CHD9: variants seen among roughly 807,000 people sequenced by gnomAD.
CHD9 encodes ATP-dependent chromatin remodeler CHD9.
CHD9 carries 77 observed loss-of-function variants against 316.1 expected under a neutral mutation model. The ratio of observed to expected loss-of-function variants is 0.24; its 90% confidence interval spans 0.20 to 0.29. The LOEUF (loss-of-function observed/expected upper bound fraction) is 0.29. Among genes scored for constraint, CHD9 ranks in the 10% least tolerant of loss-of-function variants. The pLI, the probability that CHD9 is intolerant of heterozygous loss-of-function variation, is 1.00. For synonymous variants in CHD9, 1,129 were observed against 1,158.3 expected, an observed-to-expected ratio of 0.97 and a Z score of 0.51; for missense variants, 2,763 against 3,438.1, an observed-to-expected ratio of 0.80 and a Z score of 4.91.
intron 1 of CHD9, among the ~76,000 whole-genome samples, chr16:53,123,151 C>T (rs1046802067): frequency 2.0e-5 from 3 of 149,998 alleles, no homozygotes; most frequent in African/African-American, 7.5e-5. Flanking sequence ...GTGTGAGCCA[C>T]CACGCCCGGC....
Position 53,247,474 on chromosome 16 carries a change from C to T in CHD9, c.3636C>T (p.Asp1212=). ...LIFSQMVRCL[D]ILEDYLIHKR... ...TCTCTCAAATGGTTCGTTGCCTTGA[C>T]ATTCTGGAGGACTATCTCATACATA... Residue 1212 remains aspartate (D), a synonymous_variant, in exon 16 of 39, where the codon GAC becomes GAT. Transcript: ENST00000447540. 4 of 1,604,214 alleles carry T rather than the reference C, an allele frequency of 2.5e-6. No homozygotes were observed. The highest frequency in any genetic ancestry group is 3.4e-6 in the Non-Finnish European group (4 of 1,174,640).
chr16:53,270,893 A>G (rs144668072), intron 22 of CHD9, among the ~76,000 whole-genome samples: 1,823 of 152,306 alleles, frequency 0.012, 20 homozygotes, highest in Non-Finnish European at 0.019. Context: ...GGTTTAAAAA[A>G]AGGCCCTAAA....
At chr16:53,111,377 C>T in intron 1 of CHD9, among the ~76,000 whole-genome samples, 1 of 152,044 alleles carries the variant, frequency 6.6e-6, no homozygotes, top group Non-Finnish European at 1.5e-5. Context: ...TCTCAGGGTT[C>T]TTCTGCCAAA....
chr16:53,219,504 G>A (rs1039562459), intron 3 of CHD9, among the ~76,000 whole-genome samples: 3 of 152,132 alleles, frequency 2.0e-5, no homozygotes, highest in Non-Finnish European at 2.9e-5. Context: ...TAACATTCAA[G>A]GCGTAGATGC....
chr16:53,060,360 C>G (rs559892818), intron 1 of CHD9, among the ~76,000 whole-genome samples: 58 of 150,566 alleles, frequency 3.9e-4, no homozygotes, highest in Non-Finnish European at 8.3e-4. Context: ...ATGCCTGTAG[C>G]CCCAGCACTT....
At position 53,326,038 on chromosome 16, in the gene CHD9, A is replaced by T. The variant is rs2057528878; in HGVS notation, c.*1143A>T. 6.6e-6 allele frequency: 1 copy of T among 152,498 alleles called. No homozygotes were observed. Among genetic ancestry groups the T allele is most frequent in the Non-Finnish European group, 1.5e-5 (1 of 67,940 alleles). 9.4% of individuals were successfully genotyped at this position (152,498 alleles called of 1,614,324 possible). On this transcript the variant is annotated 3_prime_UTR_variant, in exon 39 of 39. Coordinates refer to ENST00000447540, the MANE Select transcript of CHD9 (RefSeq NM_001308319.2). Reference sequence around the variant, plus strand: ...ACTGAGTTGCCCGTTTTGAAAATGCACTTTGAATAATCTCAAAAAGATGTA... The same window carrying T: ...ACTGAGTTGCCCGTTTTGAAAATGCTCTTTGAATAATCTCAAAAAGATGTA...
chr16:53,075,194 C>T (rs565087850), intron 1 of CHD9, among the ~76,000 whole-genome samples: 1 of 152,298 alleles, frequency 6.6e-6, no homozygotes, highest in South Asian at 2.1e-4. Flanking sequence ...TGGCCAATTT[C>T]TCCCATTTGG....
At chr16:53,257,796 A>G (rs1473678583) in intron 19 of CHD9, among the ~76,000 whole-genome samples, 1 of 152,188 alleles carries the variant, frequency 6.6e-6, no homozygotes, top group African/African-American at 2.4e-5. Flanking sequence ...GGAACATTGC[A>G]GAAGTAAAGT....
intron 1 of CHD9, among the ~76,000 whole-genome samples, chr16:53,088,349 C>A (rs772836975): frequency 6.8e-6 from 1 of 147,708 alleles, no homozygotes; most frequent in East Asian, 2.0e-4. Flanking sequence ...GCGATCTCAG[C>A]TCACTGCCAG....
intron 1 of CHD9, among the ~76,000 whole-genome samples, chr16:53,115,034 C>A (rs949879536): frequency 6.6e-6 from 1 of 152,164 alleles, no homozygotes; most frequent in Non-Finnish European, 1.5e-5. Flanking sequence ...AGTTTTCTTT[C>A]TCCCTTTAGT....
chr16:53,163,498 C>T (rs2042065458), intron 2 of CHD9, among the ~76,000 whole-genome samples: 1 of 152,252 alleles, frequency 6.6e-6, no homozygotes, highest in African/African-American at 2.4e-5. Flanking sequence ...GCGTGAGCCA[C>T]TGTGCCTGGC....
chr16:53,080,807 C>A (rs2034953470), intron 1 of CHD9, among the ~76,000 whole-genome samples: 1 of 152,210 alleles, frequency 6.6e-6, no homozygotes, highest in African/African-American at 2.4e-5. Context: ...CCTGGCTAGG[C>A]CTTCCACCCT....
chr16:53,094,558 C>A (rs182522313), intron 1 of CHD9, among the ~76,000 whole-genome samples: 11 of 152,282 alleles, frequency 7.2e-5, no homozygotes, highest in Admixed American at 5.2e-4. Flanking sequence ...CACACACACA[C>A]CCTGCTTTAT....
intron 29 of CHD9, among the ~76,000 whole-genome samples, chr16:53,295,043 C>CA (rs1270441392): frequency 6.6e-6 from 1 of 152,188 alleles, no homozygotes; most frequent in Non-Finnish European, 1.5e-5. Context: ...TATATTGTTT[C>CA]TATCACCTGG....
chr16:53,177,841 C>G (rs2043189929), intron 2 of CHD9, among the ~76,000 whole-genome samples: 1 of 152,196 alleles, frequency 6.6e-6, no homozygotes, highest in Non-Finnish European at 1.5e-5. Flanking sequence ...AGTTCTACAT[C>G]CAGAATCTGG....
intron 1 of CHD9, among the ~76,000 whole-genome samples, chr16:53,106,161 C>G (rs777022879): frequency 6.6e-6 from 1 of 152,130 alleles, no homozygotes; most frequent in Non-Finnish European, 1.5e-5. Flanking sequence ...GCTAAAGTGG[C>G]CTGTTTCTCA....
intron 1 of CHD9, among the ~76,000 whole-genome samples, chr16:53,136,885 A>C (rs137899638): frequency 3.3e-5 from 5 of 152,152 alleles, no homozygotes; most frequent in Non-Finnish European, 7.3e-5. Context: ...TAAAAACCAT[A>C]GATTAGGTCT....
rs1287045584 is a variant in CHD9 at position 53,304,193 on chromosome 16, T to A, written c.6187T>A (p.Ser2063Thr). 4.3e-6 allele frequency: 7 copies of A among 1,611,752 alleles called. No individual in the cohort carries two copies. In the East Asian group the frequency reaches 1.6e-4, roughly 36 times the overall value. Residue 2063 changes from serine (S) to threonine (T), a missense_variant, in exon 31 of 39, where the codon TCT becomes ACT. By Grantham distance (58) the Ser-to-Thr change is moderately conservative. Coordinates refer to ENST00000447540, the MANE Select transcript of CHD9 (RefSeq NM_001308319.2). ...KEEPQSSEEE[S>T]MSSVETRTLI... is the part of the protein sequence containing the mutation. ...GGAGCCTCAGTCTTCTGAAGAAGAA[T>A]CTATGTCTTCTGTGGAAACCAGGAC...
chr16:53,324,812 G>T lies in CHD9; in HGVS notation c.8611G>T (p.Gly2871Cys). The part of the protein sequence containing the change: ...SPLNENSTDE[G>C]SEKADASSGS... The stretch of plus-strand genomic sequence containing the variant: ...TCTCAATGAAAACAGCACAGATGAG[G>T]GTTCAGAGAAAGCTGATGCTTCATC... Residue 2871 changes from glycine to cysteine, a missense_variant, in exon 39 of 39, where the codon GGT becomes TGT. Physicochemically the swap from Gly to Cys is radical, Grantham distance 159. Coordinates refer to ENST00000447540, the MANE Select transcript of CHD9 (RefSeq NM_001308319.2). 1 of 1,612,870 alleles carries T rather than the reference G, an allele frequency of 6.2e-7. No individual in the cohort carries two copies. The highest frequency in any genetic ancestry group is 1.1e-5 in the South Asian group (1 of 90,828).
Sources: gnomAD v4.1 joint callset for allele counts (sites outside exome capture counted in the v4.1 genomes callset) on GRCh38, gnomAD v4.1.1 for gene constraint, MANE v1.5 for transcripts, NCBI Gene and HGNC (gene_info 2026-07-23, HGNC 2026-07-21) for gene names.